Variants in SLCO1B3 observed in about 807,000 individuals in gnomAD.
SLCO1B3 encodes the protein solute carrier organic anion transporter family member 1B3, also known as liver-specific organic anion transporter 2.
In SLCO1B3, 72 loss-of-function variants were observed where a neutral mutation model predicts 71.8. The observed-to-expected ratio is 1.00, with a 90% CI of 0.83 to 1.22. The LOEUF (loss-of-function observed/expected upper bound fraction) is 1.22. SLCO1B3 is among the 50% of genes most tolerant of loss of function. SLCO1B3 has a pLI of 0.00. For synonymous variants in SLCO1B3, 298 were observed against 278.4 expected, an observed-to-expected ratio of 1.07 and a Z score of -0.70; for missense variants, 911 against 819.7, an observed-to-expected ratio of 1.11 and a Z score of -1.36.
At chr12:20,914,528 ATTATT>A (rs1340987075) in intron 15 of SLCO1B3, among the ~76,000 whole-genome samples, 1 of 152,044 alleles carries the variant, frequency 6.6e-6, no homozygotes, top group Non-Finnish European at 1.5e-5. Context: ...TGTTTCTATT[ATTATT>A]TTAAAGAAAC....
chr12:20,859,462 G>A (rs7297884), intron 5 of SLCO1B3, among the ~76,000 whole-genome samples: 108,165 of 149,820 alleles, frequency 0.72, 41,659 homozygotes, highest in South Asian at 0.88. Context: ...AATCATGCCT[G>A]TTGGTCACCA....
chr12:20,869,571 C>T lies in SLCO1B3; in HGVS notation c.728-5664C>T, dbSNP rs75422713. ...TTGCCTCGGCACCTGGGTGGCTTGC[C>T]GCTCACACTCAGTATTTGTTCTTCT... is the stretch of plus-strand genomic sequence containing the variant. On this transcript the variant is annotated intron_variant, in intron 8 of 15. Transcript: ENST00000381545. 2.5e-3 allele frequency among the ~76,000 whole-genome samples: 377 copies of T among 152,246 alleles called. 2 individuals are homozygous for T. The highest frequency in any genetic ancestry group is 8.8e-3 in the African/African-American group (364 of 41,538).
At chr12:20,836,102 T>G (rs554986018) in intron 3 of SLCO1B3, among the ~76,000 whole-genome samples, 33 of 152,276 alleles carry the variant, frequency 2.2e-4, no homozygotes, top group African/African-American at 7.9e-4. Flanking sequence ...CTTGTGAGAC[T>G]TATTCACTAT....
intron 13 of SLCO1B3, among the ~76,000 whole-genome samples, chr12:20,894,502 C>T (rs997424733): frequency 1.3e-5 from 2 of 152,086 alleles, no homozygotes; most frequent in Admixed American, 6.6e-5. Context: ...CTGCAAGTCC[C>T]CCCAAGTCTC....
intron 4 of SLCO1B3, among the ~76,000 whole-genome samples, chr12:20,856,096 C>A (rs1401711786): frequency 6.6e-6 from 1 of 152,176 alleles, no homozygotes; most frequent in African/African-American, 2.4e-5. Context: ...ACCTCCCAGG[C>A]TCAATGAAAT....
rs1186088841 is a variant in SLCO1B3 at position 20,916,368 on chromosome 12, A to C, written c.*121A>C. The stretch of plus-strand genomic sequence containing the variant: ...GTCTATGCATCTATAATAAACTATA[A>C]AAAATGGGAGTACCCATGGTTAGGA... On this transcript the variant is annotated 3_prime_UTR_variant, in exon 16 of 16. Coordinates refer to ENST00000381545, the MANE Select transcript of SLCO1B3 (RefSeq NM_019844.4). 1.8e-5 allele frequency: 16 copies of C among 908,252 alleles called. No homozygotes were observed. Among genetic ancestry groups the C allele is most frequent in the Non-Finnish European group, 1.3e-5 (8 of 596,882 alleles). The allele number at this position is 908,252 out of a possible 1,614,324, so 56.3% of individuals were successfully genotyped here.
At chr12:20,885,361 ATCC>A (rs1050151872) in intron 13 of SLCO1B3, among the ~76,000 whole-genome samples, 15 of 152,170 alleles carry the variant, frequency 9.9e-5, no homozygotes, top group Non-Finnish European at 1.5e-5. Flanking sequence ...TCAGCCACAA[ATCC>A]ATGCACTGAG....
intron 8 of SLCO1B3, among the ~76,000 whole-genome samples, chr12:20,874,090 A>G (rs751253739): frequency 6.6e-6 from 1 of 152,206 alleles, no homozygotes; most frequent in Non-Finnish European, 1.5e-5. Flanking sequence ...TCTTTATAAT[A>G]TAATGATTTA....
intron 7 of SLCO1B3, 83 bp downstream of exon 7, chr12:20,862,641 T>G: frequency 6.8e-7 from 1 of 1,469,246 alleles, no homozygotes; most frequent in East Asian, 2.3e-5. Flanking sequence ...TTTTTTCTTT[T>G]ACCTATTAGA....
At position 20,877,924 on chromosome 12, in the gene SLCO1B3, A is replaced by C. The variant is rs1053663074; in HGVS notation, c.1123A>C (p.Asn375His). 25 of 1,589,092 alleles carry C rather than the reference A, an allele frequency of 1.6e-5. No individual in the cohort carries two copies. The highest frequency in any genetic ancestry group is 1.8e-5 in the Admixed American group (1 of 55,710). ...QQYGQSASHANFLLGIITIPT... is the reference protein window; with the variant it reads ...QQYGQSASHAHFLLGIITIPT... ...GTACGGTCAGTCTGCATCTCATGCTAACTTTTTGTTGGGTAAGACATATTT... is the reference window on the plus strand; with the variant it reads ...GTACGGTCAGTCTGCATCTCATGCTCACTTTTTGTTGGGTAAGACATATTT... The change falls in exon 10 of 16, where the codon AAC (asparagine) becomes CAC (histidine). Residue 375 changes from asparagine (N) to histidine (H), a missense_variant. Transcript: ENST00000381545.
intron 14 of SLCO1B3, 120 bp downstream of exon 14, chr12:20,898,620 T>G (rs1175053517): frequency 2.1e-6 from 1 of 472,536 alleles, no homozygotes; most frequent in East Asian, 3.5e-5. Flanking sequence ...TAAGAATCAT[T>G]TCTATTTTGT....
At chr12:20,829,996 C>G (rs934758357) in intron 3 of SLCO1B3, among the ~76,000 whole-genome samples, 2 of 152,112 alleles carry the variant, frequency 1.3e-5, no homozygotes, top group African/African-American at 4.8e-5. Flanking sequence ...TCTTTGTGAC[C>G]TATATTTTGT....
At chr12:20,876,116 C>T (rs1006983328) in intron 9 of SLCO1B3, among the ~76,000 whole-genome samples, 2 of 151,124 alleles carry the variant, frequency 1.3e-5, no homozygotes, top group Non-Finnish European at 2.9e-5. Context: ...CATATATAAT[C>T]TTACCTAAGT....
At chr12:20,811,315 G>GA (rs1031041444) in intron 1 of SLCO1B3, among the ~76,000 whole-genome samples, 4 of 151,952 alleles carry the variant, frequency 2.6e-5, no homozygotes, top group African/African-American at 9.7e-5. Context: ...TCAAATAAGA[G>GA]AAAAAAATCT....
At chr12:20,897,865 G>A (rs1866046419) in intron 13 of SLCO1B3, among the ~76,000 whole-genome samples, 1 of 152,166 alleles carries the variant, frequency 6.6e-6, no homozygotes, top group Non-Finnish European at 1.5e-5. Flanking sequence ...GTAAGAGTGA[G>A]TGAATTTCCA....
At chr12:20,842,762 A>G (rs1864829885) in intron 3 of SLCO1B3, among the ~76,000 whole-genome samples, 1 of 152,006 alleles carries the variant, frequency 6.6e-6, no homozygotes, top group Non-Finnish European at 1.5e-5. Context: ...TTTTGAATTG[A>G]TATATTTATC....
At chr12:20,891,649 G>A (rs1865905848) in intron 13 of SLCO1B3, among the ~76,000 whole-genome samples, 1 of 151,922 alleles carries the variant, frequency 6.6e-6, no homozygotes, top group Non-Finnish European at 1.5e-5. Flanking sequence ...TTCTCCCTCT[G>A]GAATACCAAT....
At chr12:20,832,288 A>G (rs1277803969) in intron 3 of SLCO1B3, among the ~76,000 whole-genome samples, 1 of 152,162 alleles carries the variant, frequency 6.6e-6, no homozygotes, top group Non-Finnish European at 1.5e-5. Flanking sequence ...GCCCAAGTAG[A>G]TTACAAACCC....
intron 3 of SLCO1B3, among the ~76,000 whole-genome samples, chr12:20,817,611 G>A (rs1181707456): frequency 1.3e-5 from 2 of 151,656 alleles, no homozygotes; most frequent in African/African-American, 2.4e-5. Context: ...TTTTTGAGAT[G>A]GAGTCTCGCT....
Sources: allele counts gnomAD v4.1 joint callset (sites outside exome capture counted in the v4.1 genomes callset), GRCh38; gene constraint gnomAD v4.1.1; transcripts MANE v1.5; gene names NCBI Gene and HGNC (gene_info 2026-07-23, HGNC 2026-07-21).